NBR1: variants seen among roughly 807,000 people sequenced by gnomAD.
NBR1 encodes the protein next to BRCA1 gene 1 protein.
In NBR1, 59 loss-of-function variants were observed where a neutral mutation model predicts 115.5. The ratio of observed to expected loss-of-function variants is 0.51; its 90% confidence interval spans 0.41 to 0.63. NBR1 has a LOEUF of 0.63. Among genes scored for constraint, NBR1 ranks in the 30% least tolerant of loss-of-function variants. The probability of loss-of-function intolerance (pLI) is 0.00; values close to 1 mark genes in which losing one functional copy is unlikely to be tolerated. For synonymous variants in NBR1, 373 were observed against 414.7 expected (o/e 0.90, Z 1.22); for missense variants, 1,043 against 1,150.5 (o/e 0.91, Z 1.35).
Position 43,189,717 on chromosome 17 carries a change from T to C in NBR1, c.610T>C (p.Leu204=), listed in dbSNP as rs1344093845. The change falls in exon 8 of 21, where the codon TTG becomes CTG. Residue 204 remains leucine (L), a synonymous_variant. Coordinates refer to ENST00000590996, the MANE Select transcript of NBR1 (RefSeq NM_005899.5). ...CTCAATGCCTACTTCAGAAGAAACA[T>C]TGTTTTTGCCAGAAAACCAGTTCAG... ...EVSMPTSEET[L]FLPENQFSWH... is the part of the protein sequence containing the mutation. The C allele has an allele frequency of 5.0e-6, 8 of 1,614,010 alleles. No homozygotes were observed. The highest frequency in any genetic ancestry group is 3.3e-4 in the Middle Eastern group (2 of 6,062).
In NBR1 at chr17:43,199,898, G is replaced by A. The variant is rs183616631; in HGVS notation, c.2027-269G>A. 3.9e-5 allele frequency among the ~76,000 whole-genome samples: 6 copies of A among 152,304 alleles called. No homozygotes were observed. In the East Asian group the frequency reaches 9.6e-4, roughly 24 times the overall value. The stretch of plus-strand genomic sequence containing the variant: ...ACATAAAAAGGAAAAAAGGGATGGA[G>A]CTGCCTCCTTTTATGATTCATAGAG... On this transcript the variant is annotated intron_variant, in intron 16 of 20. Transcript: ENST00000590996.
At position 43,202,652 on chromosome 17, in the gene NBR1, T is replaced by C. The variant is rs1233612285; in HGVS notation, c.2564-3T>C. On this transcript the variant is annotated splice_polypyrimidine_tract_variant and splice_region_variant and intron_variant, in intron 18 of 20. Coordinates refer to ENST00000590996, the MANE Select transcript of NBR1 (RefSeq NM_005899.5). ...ATCTAACCAACAGCTCTTTTGCTTT[T>C]AGAGCCCAGAGGCTCATCAGGACTT... 4 of 1,570,382 alleles carry C rather than the reference T, an allele frequency of 2.5e-6. No individual in the cohort carries two copies. Among genetic ancestry groups the C allele is most frequent in the Admixed American group, 1.9e-5 (1 of 53,318 alleles).
chr17:43,198,601 G>A (rs2057119982), intron 16 of NBR1, among the ~76,000 whole-genome samples: 1 of 151,828 alleles, frequency 6.6e-6, no homozygotes, highest in African/African-American at 2.4e-5. Context: ...GCAGTGAGCT[G>A]AGATCGCACC....
chr17:43,194,472 C>T lies in NBR1; in HGVS notation c.1647C>T (p.Ile549=), dbSNP rs1397721809. Residue 549 remains isoleucine, a synonymous_variant, in exon 13 of 21, where the codon ATC becomes ATT. Coordinates refer to ENST00000590996, the MANE Select transcript of NBR1 (RefSeq NM_005899.5). ...KNVASERELY[I]PSVDLLTAQD... ...TTGCCAGTGAGAGGGAGCTCTACAT[C>T]CCATCTGTGGATCTTCTGACTGCCC... 1.9e-6 allele frequency: 3 copies of T among 1,614,008 alleles called. No individual in the cohort carries two copies. The highest frequency in any genetic ancestry group is 1.3e-5 in the African/African-American group (1 of 75,064).
intron 2 of NBR1, chr17:43,176,338 T>A (rs1347519321): frequency 6.5e-6 from 1 of 153,564 alleles, no homozygotes; most frequent in Non-Finnish European, 1.4e-5. Context: ...GTTGAGTATC[T>A]CAGAGTTGAG....
chr17:43,178,416 A>T (rs1214666457), intron 3 of NBR1, among the ~76,000 whole-genome samples: 3 of 149,710 alleles, frequency 2.0e-5, no homozygotes, highest in Non-Finnish European at 4.4e-5. Context: ...TCACTCCATA[A>T]CCTAGGCTGG....
intron 18 of NBR1, 132 bp from the exon 19 acceptor site, chr17:43,202,523 T>TAA (rs11409840): frequency 2.4e-4 from 115 of 487,640 alleles, no homozygotes; most frequent in South Asian, 5.6e-4. Flanking sequence ...CCAAATACTT[T>TAA]AAAAAAAAAA....
At position 43,210,895 on chromosome 17, in the gene NBR1, T is replaced by A; in HGVS notation, c.*821T>A. The A allele has an allele frequency of 2.5e-6, 1 of 395,474 alleles. No homozygotes were observed. The highest frequency in any genetic ancestry group is 3.6e-5 in the East Asian group (1 of 27,884). The allele number at this position is 395,474 out of a possible 1,614,324, so 24.5% of individuals were successfully genotyped here. A position where few individuals can be genotyped will look rare whatever the true frequency, so the allele number is the denominator to read the frequency against. On this transcript the variant is annotated 3_prime_UTR_variant, in exon 21 of 21. Coordinates refer to ENST00000590996, the MANE Select transcript of NBR1 (RefSeq NM_005899.5). Reference sequence around the variant, plus strand: ...GAAAAGTAAATTTAACAGTTGCCTTTTTTCTTAATGTCAGGGCAGATCTTA... The same window carrying A: ...GAAAAGTAAATTTAACAGTTGCCTTATTTCTTAATGTCAGGGCAGATCTTA...
At chr17:43,171,650 C>T (rs868385096) in intron 1 of NBR1, among the ~76,000 whole-genome samples, 3 of 152,200 alleles carry the variant, frequency 2.0e-5, no homozygotes, top group Non-Finnish European at 4.4e-5. Context: ...AACTGGAAGA[C>T]TAGGATGAAC....
At chr17:43,174,474 T>G (rs1597960356) in intron 1 of NBR1, among the ~76,000 whole-genome samples, 1 of 151,738 alleles carries the variant, frequency 6.6e-6, no homozygotes, top group Non-Finnish European at 1.5e-5. Context: ...GGCGGGCGCC[T>G]GTAGTCCCAG....
chr17:43,206,239 G>A (rs1325714474), intron 20 of NBR1, among the ~76,000 whole-genome samples: 2 of 151,942 alleles, frequency 1.3e-5, no homozygotes, highest in Non-Finnish European at 2.9e-5. Flanking sequence ...GTGTTATGAG[G>A]TTTGGATTTT....
rs71160025 is a variant in NBR1 at position 43,187,502 on chromosome 17, CTTTTTTTTT to C, written c.402+1074_402+1082del. Among the ~76,000 whole-genome samples, 23 of 68,872 alleles carry C rather than the reference CTTTTTTTTT, an allele frequency of 3.3e-4. No homozygotes were observed. In the East Asian group the frequency reaches 6.7e-3, roughly 20 times the overall value. The allele number at this position is 68,872 out of a possible 152,430, so 45.2% of individuals were successfully genotyped here. A position where few individuals can be genotyped will look rare whatever the true frequency, so the allele number is the denominator to read the frequency against. On this transcript the variant is annotated intron_variant, in intron 6 of 20. Transcript: ENST00000590996. ...GCCTCCAACATCTATTATTTCCTGA[CTTTTTTTTT>C]TTTTTTTTTTTTTTTGAGACAGAGT...
chr17:43,183,189 G>A (rs868384296), intron 5 of NBR1, among the ~76,000 whole-genome samples: 5 of 151,038 alleles, frequency 3.3e-5, no homozygotes, highest in Admixed American at 6.6e-5. Context: ...CATCACGCCC[G>A]GCCTCTTTTT....
chr17:43,202,612 G>C, intron 18 of NBR1, 43 bp from the exon 19 acceptor site: 1 of 1,450,386 alleles, frequency 6.9e-7, no homozygotes, highest in Non-Finnish European at 9.5e-7. Context: ...AACAGTAGGT[G>C]CTTATGGATG....
intron 8 of NBR1, 97 bp downstream of exon 8, chr17:43,189,899 G>C (rs960272474): frequency 9.8e-7 from 1 of 1,022,482 alleles, no homozygotes; most frequent in Non-Finnish European, 1.5e-6. Context: ...ATTGTACCCT[G>C]TTTCTGAGCA....
intron 10 of NBR1, among the ~76,000 whole-genome samples, chr17:43,192,128 C>T (rs902824877): frequency 1.4e-5 from 2 of 145,738 alleles, no homozygotes; most frequent in Non-Finnish European, 3.0e-5. Context: ...TCAAGTGATT[C>T]TCCTGCCTCA....
chr17:43,186,132 C>G, intron 5 of NBR1, 118 bp from the exon 6 acceptor site: 1 of 827,182 alleles, frequency 1.2e-6, no homozygotes, highest in Non-Finnish European at 1.8e-6. Context: ...AAAGCAAACA[C>G]AAATCCTAGT....
intron 5 of NBR1, among the ~76,000 whole-genome samples, chr17:43,182,273 G>A (rs1289081663): frequency 7.1e-6 from 1 of 140,828 alleles, no homozygotes; most frequent in African/African-American, 2.6e-5. Context: ...GCTGGAGTGC[G>A]GTGGCGCAAT....
chr17:43,188,991 T>C (rs578011931), intron 6 of NBR1, 51 bp from the exon 7 acceptor site: 3 of 1,251,434 alleles, frequency 2.4e-6, no homozygotes, highest in East Asian at 4.6e-5. Flanking sequence ...AGGAAAAGTA[T>C]TTTAAATAGA....
Sources: allele counts gnomAD v4.1 joint callset (sites outside exome capture counted in the v4.1 genomes callset), GRCh38; gene constraint gnomAD v4.1.1; transcripts MANE v1.5; gene names NCBI Gene and HGNC (gene_info 2026-07-23, HGNC 2026-07-21).